The following SH3TC1 variants were observed in gnomAD, a reference collection of about 807,000 sequenced individuals.
SH3TC1 encodes SH3 domain and tetratricopeptide repeats 1, also known as SH3 domain and tetratricopeptide repeat-containing protein 1.
SH3TC1 carries 135 observed loss-of-function variants against 117.3 expected under a neutral mutation model. That is an observed-to-expected ratio of 1.15 (90% CI 1.00 to 1.33). SH3TC1 has a LOEUF of 1.33. Ranked by LOEUF, SH3TC1 falls within the 40% of genes most tolerant of loss-of-function variation. SH3TC1 has a pLI of 0.00. For missense variants in SH3TC1, 2,092 were observed against 1,794.3 expected, an observed-to-expected ratio of 1.17 and a Z score of -3.00; for synonymous variants, 898 against 816.9, an observed-to-expected ratio of 1.10 and a Z score of -1.69.
At chr4:8,217,901 G>A (rs1219997558) in intron 7 of SH3TC1, among the ~76,000 whole-genome samples, 1 of 152,234 alleles carries the variant, frequency 6.6e-6, no homozygotes, top group Non-Finnish European at 1.5e-5. Context: ...AGTGGTACTA[G>A]GATTTGAATC....
chr4:8,223,437 C>T (rs1480476153), intron 10 of SH3TC1, among the ~76,000 whole-genome samples: 1 of 152,182 alleles, frequency 6.6e-6, no homozygotes, highest in Non-Finnish European at 1.5e-5. Flanking sequence ...TGGTGGGACC[C>T]CAGGGCTGCC....
At position 8,209,115 on chromosome 4, in the gene SH3TC1, G is replaced by A. The variant is rs931055112; in HGVS notation, c.173-633G>A. Among the ~76,000 whole-genome samples the A allele has an allele frequency of 9.2e-5, 14 of 152,220 alleles. No homozygotes were observed. Among genetic ancestry groups the A allele is most frequent in the African/African-American group, 3.1e-4 (13 of 41,454 alleles). On this transcript the variant is annotated intron_variant, in intron 2 of 17. Coordinates refer to ENST00000245105, the MANE Select transcript of SH3TC1 (RefSeq NM_018986.5). This position sits in a 1 kb window ranked among gnomAD's most constrained non-coding sequence, Gnocchi z 5.9. ...CTACCTGCACAAGCTGTGAGGCTGA[G>A]CCCGTCTGTGGGCTCAGATAAAGTC... is the stretch of plus-strand genomic sequence containing the variant.
At chr4:8,222,449 C>A (rs1341821917) in intron 9 of SH3TC1, among the ~76,000 whole-genome samples, 2 of 144,278 alleles carry the variant, frequency 1.4e-5, no homozygotes, top group African/African-American at 2.6e-5. Context: ...ACTCGGCTCA[C>A]TGCAACCTCT....
rs1211155578 is a variant in SH3TC1, at chr4:8,205,849, G to A, written c.172+483G>A. 1 of 586,254 alleles carries A rather than the reference G, an allele frequency of 1.7e-6. No homozygotes were observed. The highest frequency in any genetic ancestry group is 2.8e-5 in the East Asian group (1 of 35,842). 36.3% of individuals were successfully genotyped at this position (586,254 alleles called of 1,614,324 possible). On this transcript the variant is annotated intron_variant, in intron 2 of 17. Coordinates refer to ENST00000245105, the MANE Select transcript of SH3TC1 (RefSeq NM_018986.5). The surrounding 1 kb of genome is among the most constrained non-coding windows in gnomAD (Gnocchi z 5.4). ...TGAATTCCCGGGAGACCTGAAGAGT[G>A]ACCTAGGTGATCTCCAGGATCCCCT...
At chr4:8,224,057 ACC>A (rs1720217701) in intron 10 of SH3TC1, among the ~76,000 whole-genome samples, 1 of 152,028 alleles carries the variant, frequency 6.6e-6, no homozygotes, top group African/African-American at 2.4e-5. Flanking sequence ...ACACACACAC[ACC>A]CACCCATGCA....
Position 8,233,397 on chromosome 4 carries a change from A to T in SH3TC1, c.3166A>T (p.Ser1056Cys), listed in dbSNP as rs771987943. 6.2e-7 allele frequency: 1 copy of T among 1,613,702 alleles called. No individual in the cohort carries two copies. Among genetic ancestry groups the T allele is most frequent in the East Asian group, 2.2e-5 (1 of 44,858 alleles). Reference sequence around the variant, plus strand: ...ATCCGCACTGGACTACACCAAACGAAGTCTGGGGATTTTCATTGACCTCCA... The same window carrying T: ...ATCCGCACTGGACTACACCAAACGATGTCTGGGGATTTTCATTGACCTCCA... ...YKSALDYTKR[S>C]LGIFIDLQKK... Residue 1056 changes from serine to cysteine, a missense_variant, in exon 14 of 18, where the codon AGT becomes TGT. Physicochemically the swap from Ser to Cys is moderately radical, Grantham distance 112. Transcript: ENST00000245105.
chr4:8,196,209 G>A (rs991142524), upstream of SH3TC1, among the ~76,000 whole-genome samples: 1 of 152,238 alleles, frequency 6.6e-6, no homozygotes, highest in Non-Finnish European at 1.5e-5. This position sits in a 1 kb window ranked among gnomAD's most constrained non-coding sequence, Gnocchi z 4.6. Context: ...CCTGGCCACA[G>A]ATCTCACGTC....
At chr4:8,212,624 G>C in intron 3 of SH3TC1, 77 bp from the exon 4 acceptor site, 2 of 1,594,676 alleles carry the variant, frequency 1.3e-6, no homozygotes, top group Non-Finnish European at 1.7e-6. Flanking sequence ...GTTGGAGGCT[G>C]GCAGGTGGAG....
chr4:8,234,155 TCCATCCTTCCA>T (rs1721562658), intron 14 of SH3TC1, among the ~76,000 whole-genome samples: 1 of 72,394 alleles, frequency 1.4e-5, no homozygotes, highest in South Asian at 3.5e-4. Context: ...CATCCATCCA[TCCATCCTTCCA>T]TCATCCATCC....
chr4:8,232,435 A>G lies in SH3TC1; in HGVS notation c.3131+279A>G, dbSNP rs781620931. ...CATCTCAACCCCAGCAGAAGCAGTT[A>G]CATGCATTCTGGGCTGTTCTTCCTA... On this transcript the variant is annotated intron_variant, in intron 13 of 17. Transcript: ENST00000245105. 3 of 1,533,014 alleles carry G rather than the reference A, an allele frequency of 2.0e-6. No homozygotes were observed. The Admixed American group carries it at 5.2e-5, about 27-fold the overall frequency. The allele number at this position is 1,533,014 out of a possible 1,614,324, so 95.0% of individuals were successfully genotyped here. A position where few individuals can be genotyped will look rare whatever the true frequency, so the allele number is the denominator to read the frequency against.
chr4:8,235,295 TA>T, intron 14 of SH3TC1, 137 bp from the exon 15 acceptor site: 1 of 1,091,592 alleles, frequency 9.2e-7, no homozygotes, highest in South Asian at 3.2e-5. Flanking sequence ...GGGGCGGCCC[TA>T]ATGCACAGGG....
upstream of SH3TC1, among the ~76,000 whole-genome samples, chr4:8,197,886 A>G (rs539445369): frequency 7.9e-5 from 12 of 152,288 alleles, no homozygotes; most frequent in Admixed American, 7.2e-4. Context: ...AAAGGTGAAC[A>G]GGACGGGAGG....
rs138357436 is a variant in SH3TC1, at chr4:8,214,648, G to A, written c.481+68G>A. 5.6e-4 allele frequency: 645 copies of A among 1,154,978 alleles called. 6 individuals are homozygous for A. The African/African-American group carries it at 9.0e-3, about 16-fold the overall frequency. The allele number at this position is 1,154,978 out of a possible 1,614,324, so 71.5% of individuals were successfully genotyped here. On this transcript the variant is annotated intron_variant, in intron 5 of 17. Transcript: ENST00000245105. ...TCGGAAGGTGCTGGTTACACACCGT[G>A]CACTTAGATTACAAACTGGTGCTTT...
At chr4:8,212,363 GT>G (rs1052459087) in intron 3 of SH3TC1, among the ~76,000 whole-genome samples, 4 of 152,106 alleles carry the variant, frequency 2.6e-5, no homozygotes, top group Admixed American at 2.0e-4. Flanking sequence ...GAGGGGAGGG[GT>G]TGGAGGTCAC....
In SH3TC1 at chr4:8,219,524, T is replaced by C; in HGVS notation, c.1106T>C (p.Val369Ala). Residue 369 changes from valine (V) to alanine (A), a missense_variant, in exon 9 of 18, where the codon GTG becomes GCG. Transcript: ENST00000245105. ...AGCCTCATCAGCATGCAGGGCCCCG[T>C]GTCCGAGTGAGTGGCTGGAGCCCCG... ...RSSLISMQGPVSELESAIFLN... is the reference protein window; with the variant it reads ...RSSLISMQGPASELESAIFLN... 1 of 1,558,308 alleles carries C rather than the reference T, an allele frequency of 6.4e-7. No individual in the cohort carries two copies. The highest frequency in any genetic ancestry group is 8.7e-7 in the Non-Finnish European group (1 of 1,145,928).
chr4:8,202,878 G>C (rs571868981), intron 1 of SH3TC1, among the ~76,000 whole-genome samples: 1 of 152,348 alleles, frequency 6.6e-6, no homozygotes, highest in South Asian at 2.1e-4. Context: ...TGTGGGAGGT[G>C]GGTGGTTGTT....
rs1717381980 is a variant in SH3TC1 at position 8,190,442 on chromosome 4, GC to G, written c.-57+8234del. ...AAAGTTGGGGCTCTGAGGAGTTCGG[GC>G]CTATGGGATTGGAGGTCCTGGGGGG... On this transcript the variant is annotated intron_variant, in intron 1 of 16. Transcript: ENST00000508641. This position sits in a 1 kb window ranked among gnomAD's most constrained non-coding sequence, Gnocchi z 4.7. Among the ~76,000 whole-genome samples the G allele has an allele frequency of 1.3e-5, 2 of 152,212 alleles. 1 individual carries two copies. Among genetic ancestry groups the G allele is most frequent in the South Asian group, 4.1e-4 (2 of 4,834 alleles).
At position 8,191,162 on chromosome 4, in the gene SH3TC1, G is replaced by A. The variant is rs1247207921; in HGVS notation, c.-57+8952G>A. On this transcript the variant is annotated intron_variant, in intron 1 of 16. Coordinates refer to the SH3TC1 transcript ENST00000508641. ...ACCACCCCCAGATGAGGAGCACTGT[G>A]CTAAGGAGTCTCAGGCACCTGGTCA... 2.0e-5 allele frequency among the ~76,000 whole-genome samples: 3 copies of A among 152,342 alleles called. No individual in the cohort carries two copies. The East Asian group carries it at 5.8e-4, about 29-fold the overall frequency.
In SH3TC1 at chr4:8,216,213, A is replaced by G; in HGVS notation, c.584A>G (p.Glu195Gly). The change falls in exon 6 of 18, where the codon GAG becomes GGG. Residue 195 changes from glutamate (E) to glycine (G), a missense_variant. By Grantham distance (98) the Glu-to-Gly change is moderately conservative. Transcript: ENST00000245105. ...ACGGCCATCCAAGTCCATGTGGATG[A>G]GAACGCCTTAAGGCTGACCCACGAG... is the stretch of plus-strand genomic sequence containing the variant. The part of the protein sequence containing the change: ...EETAIQVHVD[E>G]NALRLTHESL... The G allele has an allele frequency of 3.7e-6, 6 of 1,613,872 alleles. No homozygotes were observed. Among genetic ancestry groups the G allele is most frequent in the Non-Finnish European group, 5.1e-6 (6 of 1,180,018 alleles).
Sources: allele counts gnomAD v4.1 joint callset (sites outside exome capture counted in the v4.1 genomes callset), GRCh38; gene constraint gnomAD v4.1.1; non-coding constraint Gnocchi (gnomAD v3.1); transcripts MANE v1.5; gene names NCBI Gene and HGNC (gene_info 2026-07-23, HGNC 2026-07-21).